The following AMZ1 variants were observed in gnomAD, a reference collection of about 807,000 sequenced individuals.
The protein encoded by AMZ1 is archaelysin family metallopeptidase 1, also known as archaemetzincin-1.
In AMZ1, 39 loss-of-function variants were observed where a neutral mutation model predicts 29.9. The observed-to-expected ratio is 1.30, with a 90% CI of 1.01 to 1.70. AMZ1 has a LOEUF of 1.70. Ranked by LOEUF, AMZ1 falls within the 40% of genes most tolerant of loss-of-function variation. AMZ1 has a pLI of 0.00. For synonymous variants in AMZ1, 458 were observed against 304.0 expected, an observed-to-expected ratio of 1.51 and a Z score of -5.27; for missense variants, 1,041 against 680.6, an observed-to-expected ratio of 1.53 and a Z score of -5.89.
chr7:2,694,682 T>G (rs910492023), intron 1 of AMZ1, among the ~76,000 whole-genome samples: 4 of 149,936 alleles, frequency 2.7e-5, no homozygotes, highest in African/African-American at 9.7e-5. Flanking sequence ...TTTTATTTAT[T>G]TTTTTTTTGA....
intron 4 of AMZ1, chr7:2,729,383 A>G (rs576613322): frequency 6.6e-5 from 10 of 152,498 alleles, no homozygotes; most frequent in African/African-American, 2.4e-4. Flanking sequence ...CTCCGGTCAC[A>G]TCCGTGAGGT....
At chr7:2,729,405 C>T (rs1023056669) in intron 4 of AMZ1, 11 of 152,366 alleles carry the variant, frequency 7.2e-5, no homozygotes, top group Admixed American at 6.5e-4. Flanking sequence ...TGTGAAGAGC[C>T]ACAGAAGCAG....
chr7:2,733,632 CAG>C (rs1232798286), intron 4 of AMZ1: 3 of 698,906 alleles, frequency 4.3e-6, no homozygotes, highest in Non-Finnish European at 7.9e-6. Flanking sequence ...AGGAAAAAGG[CAG>C]AGAGTGTCCG....
At position 2,718,137 on chromosome 7, in the gene AMZ1, G is replaced by C. The variant is rs182048567; in HGVS notation, c.*5259G>C. On this transcript the variant is annotated 3_prime_UTR_variant, in exon 7 of 7. Transcript: ENST00000683327. ...AGATTCCACCACTGAGGCCTCCCTCGATGCCTGCTCCCTGGGCTTTTTAAT... is the reference window on the plus strand; with the variant it reads ...AGATTCCACCACTGAGGCCTCCCTCCATGCCTGCTCCCTGGGCTTTTTAAT... 2.0e-3 allele frequency among the ~76,000 whole-genome samples: 304 copies of C among 152,290 alleles called. No individual in the cohort carries two copies. The highest frequency in any genetic ancestry group is 3.1e-3 in the Non-Finnish European group (208 of 68,016).
At chr7:2,739,602 G>A (rs974271802) in intron 4 of AMZ1, among the ~76,000 whole-genome samples, 3 of 152,190 alleles carry the variant, frequency 2.0e-5, no homozygotes, top group Non-Finnish European at 2.9e-5. Context: ...ACAGCTGTGT[G>A]GAAGTTTTTG....
intron 3 of AMZ1, among the ~76,000 whole-genome samples, chr7:2,704,108 C>T (rs889518503): frequency 2.6e-5 from 4 of 152,222 alleles, no homozygotes; most frequent in African/African-American, 9.6e-5. Flanking sequence ...CCAGGATGGT[C>T]TGGATCTCCT....
chr7:2,750,290 C>T (rs943411004), intron 4 of AMZ1, among the ~76,000 whole-genome samples: 1 of 152,186 alleles, frequency 6.6e-6, no homozygotes, highest in Non-Finnish European at 1.5e-5. Flanking sequence ...CCCCAAACTG[C>T]AGAGGCAGAC....
intron 1 of AMZ1, among the ~76,000 whole-genome samples, chr7:2,693,672 C>T (rs1278520958): frequency 6.6e-6 from 1 of 152,208 alleles, no homozygotes; most frequent in Non-Finnish European, 1.5e-5. Context: ...TCTCCAGCCT[C>T]AGCCTCCAGA....
chr7:2,760,506 T>A (rs1245898005), upstream of AMZ1: 1 of 152,360 alleles, frequency 6.6e-6, no homozygotes, highest in Non-Finnish European at 1.5e-5. Context: ...TGGCTTCACT[T>A]CCTTCTGGGC....
intron 4 of AMZ1, among the ~76,000 whole-genome samples, chr7:2,756,867 C>T (rs1583245051): frequency 1.3e-5 from 2 of 151,966 alleles, no homozygotes; most frequent in Middle Eastern, 6.8e-3. Flanking sequence ...GAGCCCAGGC[C>T]ATTTGAGGTT....
In AMZ1 at chr7:2,709,134, G is replaced by C. The variant is rs142146201; in HGVS notation, c.661G>C (p.Ala221Pro). The C allele has an allele frequency of 6.3e-7, 1 of 1,597,974 alleles. No homozygotes were observed. The highest frequency in any genetic ancestry group is 2.3e-5 in the East Asian group (1 of 44,250). ...SGEFPKSGPSAPDLALVEAAA... is the reference protein window; with the variant it reads ...SGEFPKSGPSPPDLALVEAAA... The stretch of plus-strand genomic sequence containing the variant: ...GGAATTCCCGAAGTCGGGGCCCAGC[G>C]CCCCTGATCTGGCCCTGGTAGAGGC... Residue 221 changes from alanine (A) to proline (P), a missense_variant, in exon 5 of 7, where the codon GCC becomes CCC. Physicochemically the swap from Ala to Pro is conservative, Grantham distance 27 (BLOSUM62 -1). Transcript: ENST00000683327.
intron 1 of AMZ1, among the ~76,000 whole-genome samples, chr7:2,688,514 C>T (rs1472569015): frequency 1.3e-5 from 2 of 152,164 alleles, no homozygotes; most frequent in African/African-American, 2.4e-5. Flanking sequence ...GTCCGCACAG[C>T]CCCGGCAGGT....
At position 2,709,791 on chromosome 7, in the gene AMZ1, G is replaced by A. The variant is rs746187762; in HGVS notation, c.923G>A (p.Gly308Asp). ...CTGAGGAAGCTGCAGCATGTCCTGG[G>A]TTTCAGGCTCATCGAGAGGTACCAG... ...ICLRKLQHVL[G>D]FRLIERYQRL... is the part of the protein sequence containing the mutation. Residue 308 changes from glycine (G) to aspartate (D), a missense_variant, in exon 6 of 7, where the codon GGT becomes GAT. By Grantham distance (94) the Gly-to-Asp change is moderately conservative (BLOSUM62 -1). Coordinates refer to ENST00000683327, the MANE Select transcript of AMZ1 (RefSeq NM_001384743.1). 2 of 1,612,120 alleles carry A rather than the reference G, an allele frequency of 1.2e-6. No individual in the cohort carries two copies. The highest frequency in any genetic ancestry group is 1.1e-5 in the South Asian group (1 of 91,024).
intron 2 of AMZ1, chr7:2,702,484 TTG>T: frequency 1.9e-6 from 1 of 539,102 alleles, no homozygotes; most frequent in South Asian, 2.7e-5. Flanking sequence ...TCATATGCGA[TTG>T]TCACTGCTGT....
At chr7:2,708,472 C>T in intron 3 of AMZ1, 116 bp from the exon 4 acceptor site, 2 of 1,492,686 alleles carry the variant, frequency 1.3e-6, no homozygotes, top group Non-Finnish European at 1.8e-6. Flanking sequence ...CCACACCTGA[C>T]TTGGGAAGGG....
intron 3 of AMZ1, among the ~76,000 whole-genome samples, chr7:2,703,128 C>T (rs1788156925): frequency 6.6e-6 from 1 of 152,142 alleles, no homozygotes; most frequent in East Asian, 1.9e-4. Flanking sequence ...GCATGCAGAG[C>T]AGGAGAAGCG....
intron 4 of AMZ1, among the ~76,000 whole-genome samples, chr7:2,727,080 C>CTT (rs1379498174): frequency 2.0e-5 from 3 of 152,130 alleles, no homozygotes; most frequent in African/African-American, 7.2e-5. Flanking sequence ...TGGAACACAA[C>CTT]TTTATTTATT....
chr7:2,741,971 G>A (rs1456980304), intron 4 of AMZ1, among the ~76,000 whole-genome samples: 1 of 151,828 alleles, frequency 6.6e-6, no homozygotes, highest in Non-Finnish European at 1.5e-5. Flanking sequence ...TTACTTACAT[G>A]TAGTTATCAT....
intron 4 of AMZ1, among the ~76,000 whole-genome samples, chr7:2,725,154 AG>A (rs1427961016): frequency 1.3e-5 from 2 of 152,188 alleles, no homozygotes; most frequent in African/African-American, 4.8e-5. Context: ...CACTGAGAAA[AG>A]CTTATCTGCC....
Sources: gnomAD v4.1 joint callset for allele counts (sites outside exome capture counted in the v4.1 genomes callset) on GRCh38, gnomAD v4.1.1 for gene constraint, MANE v1.5 for transcripts, NCBI Gene and HGNC (gene_info 2026-07-23, HGNC 2026-07-21) for gene names.